KIAA1328: variants seen among roughly 807,000 people sequenced by gnomAD.
The protein encoded by KIAA1328 is protein hinderin.
A neutral mutation model predicts 68.1 loss-of-function variants in KIAA1328; 52 were observed. The ratio of observed to expected loss-of-function variants is 0.76; its 90% CI spans 0.61 to 0.96. The LOEUF is 0.96. Ranked by LOEUF, KIAA1328 falls within the 40% of genes least tolerant of loss-of-function variation. The probability of loss-of-function intolerance (pLI) is 0.00; values close to 1 mark genes in which losing one functional copy is unlikely to be tolerated. For synonymous variants in KIAA1328, 232 were observed against 239.4 expected, an observed-to-expected ratio of 0.97 and a Z score of 0.28; for missense variants, 641 against 677.6, an observed-to-expected ratio of 0.95 and a Z score of 0.60.
intron 7 of KIAA1328, among the ~76,000 whole-genome samples, chr18:37,114,200 C>A (rs2058032905): frequency 6.6e-6 from 1 of 152,120 alleles, no homozygotes; most frequent in Admixed American, 6.6e-5. Context: ...GATCAACAGA[C>A]TATACATTCT....
At chr18:36,876,615 C>CA (rs753703277) in intron 4 of KIAA1328, among the ~76,000 whole-genome samples, 3 of 151,974 alleles carry the variant, frequency 2.0e-5, no homozygotes, top group Non-Finnish European at 4.4e-5. Context: ...TTAATCTTTT[C>CA]AAAAAACCAG....
At chr18:36,877,208 T>G (rs575248906) in intron 4 of KIAA1328, among the ~76,000 whole-genome samples, 1 of 152,336 alleles carries the variant, frequency 6.6e-6, no homozygotes, top group East Asian at 1.9e-4. Context: ...GGTCCAGAGC[T>G]GAGTTCAAGT....
At chr18:36,872,229 G>A (rs1408421107) in intron 4 of KIAA1328, among the ~76,000 whole-genome samples, 1 of 152,088 alleles carries the variant, frequency 6.6e-6, no homozygotes, top group Non-Finnish European at 1.5e-5. Context: ...AGAGTTATAT[G>A]CTGGTCCAAG....
At chr18:36,964,445 T>A (rs1367084264) in intron 6 of KIAA1328, among the ~76,000 whole-genome samples, 1 of 152,244 alleles carries the variant, frequency 6.6e-6, no homozygotes, top group Non-Finnish European at 1.5e-5. Context: ...TTCGTTACTC[T>A]CTGTGCCTTA....
At chr18:37,174,281 A>G (rs1413623462) in intron 9 of KIAA1328, among the ~76,000 whole-genome samples, 1 of 152,142 alleles carries the variant, frequency 6.6e-6, no homozygotes, top group Non-Finnish European at 1.5e-5. Flanking sequence ...AAATATTGTA[A>G]CAGTTGACAA....
chr18:37,033,888 T>G (rs545125257), intron 6 of KIAA1328, among the ~76,000 whole-genome samples: 1 of 152,340 alleles, frequency 6.6e-6, no homozygotes, highest in South Asian at 2.1e-4. Flanking sequence ...TTGTTTGCCT[T>G]CTTTCAGGGA....
intron 7 of KIAA1328, among the ~76,000 whole-genome samples, chr18:37,099,894 C>T (rs569149941): frequency 2.0e-5 from 3 of 152,274 alleles, no homozygotes; most frequent in South Asian, 2.1e-4. Context: ...ACTAGGATTG[C>T]AACCCCTGCC....
intron 9 of KIAA1328, among the ~76,000 whole-genome samples, chr18:37,207,527 C>T (rs2060238588): frequency 6.6e-6 from 1 of 152,194 alleles, no homozygotes; most frequent in Non-Finnish European, 1.5e-5. Context: ...TATCACTCCT[C>T]TAGGTGTCAC....
intron 5 of KIAA1328, among the ~76,000 whole-genome samples, chr18:36,921,480 T>C (rs1231061331): frequency 6.6e-6 from 1 of 152,176 alleles, no homozygotes; most frequent in Non-Finnish European, 1.5e-5. Flanking sequence ...ATCGGCTCAC[T>C]GTAAGCTCCA....
At chr18:37,181,794 A>G (rs2059703332) in intron 9 of KIAA1328, among the ~76,000 whole-genome samples, 1 of 152,146 alleles carries the variant, frequency 6.6e-6, no homozygotes, top group Non-Finnish European at 1.5e-5. Flanking sequence ...CTGGGTGAGG[A>G]GGTTGTAAGA....
chr18:36,921,642 G>A (rs1370099777), intron 5 of KIAA1328, among the ~76,000 whole-genome samples: 1 of 152,066 alleles, frequency 6.6e-6, no homozygotes, highest in Admixed American at 6.6e-5. Flanking sequence ...CTGACCTCGT[G>A]ATCCACCCAC....
chr18:37,101,152 AC>A lies in KIAA1328; in HGVS notation c.1232+33608del, dbSNP rs1285820631. Among the ~76,000 whole-genome samples the A allele has an allele frequency of 2.6e-5, 4 of 152,206 alleles. No homozygotes were observed. In the East Asian group the frequency reaches 7.7e-4, roughly 29 times the overall value. On this transcript the variant is annotated intron_variant, in intron 7 of 9. Coordinates refer to ENST00000280020, the MANE Select transcript of KIAA1328 (RefSeq NM_020776.3). ...AATGCAGCTCCTCACCAGCAACAGA[AC>A]AAAGCTGGATGATGAATGACTTTGA...
chr18:37,148,576 A>G lies in KIAA1328; in HGVS notation c.1233-11624A>G, dbSNP rs537098068. ...TTCCACAATGGTTGAACTAATTTACATTCTCACCAATAATGTAAAAGCGTT... is the reference window on the plus strand; with the variant it reads ...TTCCACAATGGTTGAACTAATTTACGTTCTCACCAATAATGTAAAAGCGTT... On this transcript the variant is annotated intron_variant, in intron 7 of 9. Coordinates refer to ENST00000280020, the MANE Select transcript of KIAA1328 (RefSeq NM_020776.3). Among the ~76,000 whole-genome samples, 6 of 152,344 alleles carry G rather than the reference A, an allele frequency of 3.9e-5. No individual in the cohort carries two copies. In the South Asian group the frequency reaches 1.2e-3, roughly 32 times the overall value.
rs180962705 is a variant in KIAA1328, at chr18:37,051,848, C to T, written c.577-15042C>T. On this transcript the variant is annotated intron_variant, in intron 6 of 9. Coordinates refer to ENST00000280020, the MANE Select transcript of KIAA1328 (RefSeq NM_020776.3). ...ACTGAAGTCAGGAGTTCAAGACCAG[C>T]CTGGCCAACATGGTGAAACCCCATC... Among the ~76,000 whole-genome samples the T allele has an allele frequency of 4.6e-5, 7 of 152,216 alleles. No homozygotes were observed. In the East Asian group the frequency reaches 1.4e-3, roughly 29 times the overall value.
intron 6 of KIAA1328, among the ~76,000 whole-genome samples, chr18:37,059,132 C>T (rs1446616438): frequency 2.0e-5 from 3 of 151,840 alleles, no homozygotes; most frequent in Non-Finnish European, 4.4e-5. Context: ...ATTGCTTCAT[C>T]GAACCTCATT....
At chr18:36,932,384 T>C (rs2050342346) in intron 5 of KIAA1328, among the ~76,000 whole-genome samples, 2 of 152,132 alleles carry the variant, frequency 1.3e-5, no homozygotes, top group South Asian at 4.1e-4. Flanking sequence ...TGCACTCAGC[T>C]AATTTTTGTA....
chr18:37,173,025 A>G lies in KIAA1328; in HGVS notation c.1467A>G (p.Gly489=), dbSNP rs771696427. 5.7e-5 allele frequency: 92 copies of G among 1,613,674 alleles called. 1 individual carries two copies. Among genetic ancestry groups the G allele is most frequent in the Admixed American group, 1.0e-4 (6 of 59,996 alleles). The change falls in exon 9 of 10, where the codon GGA becomes GGG. Residue 489 remains glycine (G), a synonymous_variant. Transcript: ENST00000280020. ...KDASTSPMPT[G]SLKDFVTTAS... Reference sequence around the variant, plus strand: ...CGTCTACATCTCCTATGCCAACAGGAAGCCTAAAGGATTTTGTCACCACAG... The same window carrying G: ...CGTCTACATCTCCTATGCCAACAGGGAGCCTAAAGGATTTTGTCACCACAG...
At chr18:37,178,258 A>G (rs942104749) in intron 9 of KIAA1328, among the ~76,000 whole-genome samples, 3 of 152,002 alleles carry the variant, frequency 2.0e-5, no homozygotes, top group African/African-American at 7.3e-5. Context: ...CACTGCTTCT[A>G]TGAGATCAAC....
At chr18:37,201,587 G>A (rs1375499461) in intron 9 of KIAA1328, among the ~76,000 whole-genome samples, 1 of 152,132 alleles carries the variant, frequency 6.6e-6, no homozygotes, top group Non-Finnish European at 1.5e-5. Flanking sequence ...TGCATAAAGG[G>A]CAGTAAGAAT....
Sources: allele counts gnomAD v4.1 joint callset (sites outside exome capture counted in the v4.1 genomes callset), GRCh38; gene constraint gnomAD v4.1.1; transcripts MANE v1.5; gene names NCBI Gene and HGNC (gene_info 2026-07-23, HGNC 2026-07-21).